Variants in RALGAPB observed in about 807,000 individuals in gnomAD.
RALGAPB encodes the protein ral GTPase-activating protein subunit beta.
RALGAPB carries 25 observed loss-of-function variants against 161.1 expected under a neutral mutation model. The observed-to-expected ratio is 0.16, with a 90% CI of 0.11 to 0.22. RALGAPB has a LOEUF of 0.22. Among genes scored for constraint, RALGAPB ranks in the 10% least tolerant of loss-of-function variants. The pLI is 1.00. For synonymous variants in RALGAPB, 629 were observed against 626.1 expected, an observed-to-expected ratio of 1.00 and a Z score of -0.07; for missense variants, 1,391 against 1,815.2, an observed-to-expected ratio of 0.77 and a Z score of 4.25.
intron 24 of RALGAPB, among the ~76,000 whole-genome samples, chr20:38,563,082 T>C (rs546322892): frequency 2.0e-5 from 3 of 152,224 alleles, no homozygotes; most frequent in Middle Eastern, 6.8e-3. Context: ...TAAACAGAGG[T>C]ATATAGAGGA....
chr20:38,492,082 G>T (rs759303877), intron 2 of RALGAPB, among the ~76,000 whole-genome samples: 12 of 152,102 alleles, frequency 7.9e-5, no homozygotes, highest in Non-Finnish European at 1.6e-4. Context: ...ATTTATAATT[G>T]GTCAAGATAC....
chr20:38,570,796 C>T lies in RALGAPB; in HGVS notation c.4091C>T (p.Thr1364Ile). 6.2e-7 allele frequency: 1 copy of T among 1,608,566 alleles called. No homozygotes were observed. Among genetic ancestry groups the T allele is most frequent in the Non-Finnish European group, 8.5e-7 (1 of 1,175,500 alleles). The change falls in exon 28 of 30, where the codon ACA (threonine) becomes ATA (isoleucine). Residue 1364 changes from threonine (T) to isoleucine (I), a missense_variant. Physicochemically the swap from Thr to Ile is moderately conservative, Grantham distance 89. Around this residue, in one of 3 missense-constraint regions of RALGAPB, gnomAD observed 436 missense variants for 527.0 expected, o/e 0.83. Transcript: ENST00000262879. ...AACTTTCCCCTCTCAGAGCTGATGA[C>T]AGAGATCAGTACTGGTGTGGAAACT... ...IENFPLSELMTEISTGVETTA... is the reference protein window; with the variant it reads ...IENFPLSELMIEISTGVETTA...
At chr20:38,565,864 G>C (rs1443899578) in intron 25 of RALGAPB, among the ~76,000 whole-genome samples, 4 of 152,040 alleles carry the variant, frequency 2.6e-5, no homozygotes, top group Non-Finnish European at 1.5e-5. Flanking sequence ...CCTACAACTG[G>C]AAGTATCTCA....
intron 6 of RALGAPB, among the ~76,000 whole-genome samples, chr20:38,510,092 G>A (rs2085889142): frequency 6.6e-6 from 1 of 150,500 alleles, no homozygotes; most frequent in African/African-American, 2.5e-5. Flanking sequence ...ATATACCTCA[G>A]GATCTGTCTT....
At chr20:38,563,527 A>C (rs1424094471) in intron 24 of RALGAPB, among the ~76,000 whole-genome samples, 1 of 152,250 alleles carries the variant, frequency 6.6e-6, no homozygotes, top group Non-Finnish European at 1.5e-5. Flanking sequence ...CAAGTAGCAG[A>C]GCAAGTATAA....
At chr20:38,487,061 C>T (rs2085136112) in intron 1 of RALGAPB, among the ~76,000 whole-genome samples, 1 of 152,162 alleles carries the variant, frequency 6.6e-6, no homozygotes, top group South Asian at 2.1e-4. Flanking sequence ...TCTAAGGAGT[C>T]AAGAAAGGTT....
chr20:38,515,523 T>C (rs1170799060), intron 6 of RALGAPB, among the ~76,000 whole-genome samples: 1 of 152,224 alleles, frequency 6.6e-6, no homozygotes, highest in Non-Finnish European at 1.5e-5. Context: ...GTACATAAAA[T>C]GTAATTCAAA....
intron 26 of RALGAPB, among the ~76,000 whole-genome samples, chr20:38,567,618 T>C (rs2088055964): frequency 6.6e-6 from 1 of 152,160 alleles, no homozygotes. Context: ...ATAGGAACAT[T>C]AGGGAGAATA....
chr20:38,539,349 C>T (rs1277375268), intron 16 of RALGAPB, among the ~76,000 whole-genome samples: 1 of 152,124 alleles, frequency 6.6e-6, no homozygotes, highest in Non-Finnish European at 1.5e-5. Context: ...ATACTTATGT[C>T]AGAATTGACC....
At chr20:38,513,055 C>A (rs566980141) in intron 6 of RALGAPB, among the ~76,000 whole-genome samples, 1 of 152,044 alleles carries the variant, frequency 6.6e-6, no homozygotes, top group Non-Finnish European at 1.5e-5. Flanking sequence ...CCACCACGCC[C>A]GGCCAGCAAT....
chr20:38,532,660 A>G (rs2086689216), intron 14 of RALGAPB, 70 bp from the exon 15 acceptor site: 1 of 1,556,150 alleles, frequency 6.4e-7, no homozygotes, highest in African/African-American at 1.4e-5. Flanking sequence ...CATGGTTTTT[A>G]ATGATTGACC....
At chr20:38,551,592 A>C (rs2145438499) in intron 21 of RALGAPB, among the ~76,000 whole-genome samples, 1 of 152,268 alleles carries the variant, frequency 6.6e-6, no homozygotes, top group African/African-American at 2.4e-5. Context: ...TTAATATATA[A>C]AATGTATTGT....
At chr20:38,484,861 A>G (rs998462657) in intron 1 of RALGAPB, among the ~76,000 whole-genome samples, 2 of 151,922 alleles carry the variant, frequency 1.3e-5, no homozygotes, top group African/African-American at 4.8e-5. Context: ...ATGCCTGGCT[A>G]ATTTTGTATT....
Position 38,577,734 on chromosome 20 carries a change from C to G in RALGAPB, c.*2767C>G, listed in dbSNP as rs1010353444. On this transcript the variant is annotated 3_prime_UTR_variant, in exon 30 of 30. Coordinates refer to ENST00000262879, the MANE Select transcript of RALGAPB (RefSeq NM_020336.4). ...ACACACACACACACACACACACACTCGCATACTCATGCACATTTTCCTTCA... is the reference window on the plus strand; with the variant it reads ...ACACACACACACACACACACACACTGGCATACTCATGCACATTTTCCTTCA... 5.9e-5 allele frequency: 9 copies of G among 153,028 alleles called. No individual in the cohort carries two copies. The highest frequency in any genetic ancestry group is 3.8e-4 in the East Asian group (2 of 5,244). The allele number at this position is 153,028 out of a possible 1,614,324, so 9.5% of individuals were successfully genotyped here. A position where few individuals can be genotyped will look rare whatever the true frequency, so the allele number is the denominator to read the frequency against.
At chr20:38,516,502 A>G (rs770600274) in intron 7 of RALGAPB, 132 bp downstream of exon 7, 4 of 912,402 alleles carry the variant, frequency 4.4e-6, no homozygotes, top group Non-Finnish European at 6.4e-6. Flanking sequence ...CAAGCGAGGA[A>G]AAATTATTTG....
chr20:38,505,706 T>G (rs2085741897), intron 5 of RALGAPB, among the ~76,000 whole-genome samples: 1 of 152,246 alleles, frequency 6.6e-6, no homozygotes, highest in Admixed American at 6.5e-5. Flanking sequence ...GACTACAGTA[T>G]AGTCCAAACA....
intron 15 of RALGAPB, 93 bp downstream of exon 15, chr20:38,532,952 TG>T (rs2086701307): frequency 1.5e-6 from 2 of 1,363,616 alleles, no homozygotes; most frequent in African/African-American, 1.5e-5. Flanking sequence ...TTAATGTTCA[TG>T]TTTTTTATAT....
At chr20:38,560,163 A>G in intron 23 of RALGAPB, among the ~76,000 whole-genome samples, 1 of 152,026 alleles carries the variant, frequency 6.6e-6, no homozygotes, top group East Asian at 1.9e-4. Context: ...GTTAGGTACC[A>G]GGGTTATAGT....
At position 38,577,715 on chromosome 20, in the gene RALGAPB, A is replaced by ACACG. The variant is rs1230237135; in HGVS notation, c.*2751_*2752insGCAC. On this transcript the variant is annotated 3_prime_UTR_variant, in exon 30 of 30. Transcript: ENST00000262879. ...ACTAATCAGACACACACACACACAC[A>ACACG]CACACACACACACACACTCGCATAC... 1 of 152,364 alleles carries ACACG rather than the reference A, an allele frequency of 6.6e-6. No individual in the cohort carries two copies. The highest frequency in any genetic ancestry group is 1.5e-5 in the Non-Finnish European group (1 of 68,502). The allele number at this position is 152,364 out of a possible 1,614,324, so 9.4% of individuals were successfully genotyped here. A position where few individuals can be genotyped will look rare whatever the true frequency, so the allele number is the denominator to read the frequency against.
Sources: allele counts gnomAD v4.1 joint callset (sites outside exome capture counted in the v4.1 genomes callset), GRCh38; gene constraint gnomAD v4.1.1; regional missense constraint gnomAD v4.1.1; transcripts MANE v1.5; gene names NCBI Gene and HGNC (gene_info 2026-07-23, HGNC 2026-07-21).